Variants in ITGA8 observed in about 807,000 individuals in gnomAD.
The protein encoded by ITGA8 is integrin subunit alpha 8.
A neutral mutation model predicts 142.3 loss-of-function variants in ITGA8; 91 were observed. The observed-to-expected ratio is 0.64, with a 90% CI of 0.54 to 0.76. ITGA8 has a LOEUF of 0.76. Ranked by LOEUF, ITGA8 falls within the 30% of genes least tolerant of loss-of-function variation. The pLI is 0.00. For missense variants in ITGA8, 1,406 were observed against 1,327.7 expected (o/e 1.06, Z -0.92); for synonymous variants, 505 against 485.2 (o/e 1.04, Z -0.54).
intron 11 of ITGA8, among the ~76,000 whole-genome samples, chr10:15,650,438 A>G (rs1042086201): frequency 6.6e-6 from 1 of 152,194 alleles, no homozygotes; most frequent in South Asian, 2.1e-4. Flanking sequence ...GAGCCCCAAA[A>G]TGGGACTTGT....
chr10:15,558,747 G>A (rs1004884611), intron 25 of ITGA8, among the ~76,000 whole-genome samples: 6 of 152,116 alleles, frequency 3.9e-5, no homozygotes, highest in East Asian at 1.9e-4. Context: ...ATGACTTTTC[G>A]AAAGTCTGCT....
At chr10:15,579,358 G>T (rs1464660588) in intron 23 of ITGA8, among the ~76,000 whole-genome samples, 1 of 151,986 alleles carries the variant, frequency 6.6e-6, no homozygotes, top group Non-Finnish European at 1.5e-5. Context: ...TTTTTTTACT[G>T]TAAGTAATGA....
chr10:15,533,105 T>TCC (rs1833345630), intron 27 of ITGA8, among the ~76,000 whole-genome samples: 1 of 152,204 alleles, frequency 6.6e-6, no homozygotes, highest in African/African-American at 2.4e-5. Flanking sequence ...TATAATCCAA[T>TCC]GTTGGGCCTC....
intron 2 of ITGA8, among the ~76,000 whole-genome samples, chr10:15,697,370 G>A (rs975817283): frequency 1.3e-5 from 2 of 152,124 alleles, no homozygotes; most frequent in Non-Finnish European, 2.9e-5. Context: ...TTTAAATTGC[G>A]ATTCACAAAC....
intron 25 of ITGA8, among the ~76,000 whole-genome samples, chr10:15,568,022 C>G (rs1834109204): frequency 6.6e-6 from 1 of 152,178 alleles, no homozygotes; most frequent in Admixed American, 6.5e-5. Context: ...AAGTAATTCT[C>G]CTTTCTCAGT....
At chr10:15,663,367 TTAGA>T (rs1321252523) in intron 8 of ITGA8, among the ~76,000 whole-genome samples, 1 of 152,188 alleles carries the variant, frequency 6.6e-6, no homozygotes, top group East Asian at 1.9e-4. Flanking sequence ...TTTAGATATT[TTAGA>T]TAGCCTCAAA....
chr10:15,520,930 C>G (rs563164278), intron 28 of ITGA8, among the ~76,000 whole-genome samples: 1 of 152,170 alleles, frequency 6.6e-6, no homozygotes, highest in Non-Finnish European at 1.5e-5. Context: ...TTTGCCCTAG[C>G]AGGAAATGTA....
intron 2 of ITGA8, among the ~76,000 whole-genome samples, chr10:15,711,773 C>A (rs1835368584): frequency 6.6e-6 from 1 of 151,940 alleles, no homozygotes; most frequent in South Asian, 2.1e-4. Context: ...TTTTACCCCC[C>A]AAAAAAAGAA....
In ITGA8 at chr10:15,706,425, C is replaced by T. The variant is rs116143250; in HGVS notation, c.343+12341G>A. 1.1e-3 allele frequency among the ~76,000 whole-genome samples: 173 copies of T among 152,188 alleles called. 1 individual carries two copies. The highest frequency in any genetic ancestry group is 4.0e-3 in the African/African-American group (167 of 41,552). The stretch of plus-strand genomic sequence containing the variant: ...GCTTCTGCTCTTCCTTGTCTATAGT[C>T]TGTTTTTCAACAAAATCTAAGCTGA... On this transcript the variant is annotated intron_variant, in intron 2 of 29. Coordinates refer to ENST00000378076, the MANE Select transcript of ITGA8 (RefSeq NM_003638.3).
intron 26 of ITGA8, among the ~76,000 whole-genome samples, chr10:15,555,268 A>G (rs1040896067): frequency 4.6e-5 from 7 of 152,240 alleles, no homozygotes; most frequent in African/African-American, 1.7e-4. Context: ...AAGAGCATGT[A>G]GGTTAAGAAC....
chr10:15,704,503 G>C (rs2131730375), intron 2 of ITGA8, among the ~76,000 whole-genome samples: 1 of 152,098 alleles, frequency 6.6e-6, no homozygotes, highest in African/African-American at 2.4e-5. Flanking sequence ...CAACCACGAT[G>C]GTTTTCTTTC....
chr10:15,527,246 A>G lies in ITGA8; in HGVS notation c.2982+3804T>C, dbSNP rs186819754. Among the ~76,000 whole-genome samples the G allele has an allele frequency of 2.3e-3, 347 of 152,368 alleles. 4 individuals carry two copies. Among genetic ancestry groups the G allele is most frequent in the African/African-American group, 8.1e-3 (338 of 41,596 alleles). On this transcript the variant is annotated intron_variant, in intron 28 of 29. Transcript: ENST00000378076. ...TTTCAACTCCAAATAATTGTTTAATATAAGAGTTCCATATTAAGGTATTAA... is the reference window on the plus strand; with the variant it reads ...TTTCAACTCCAAATAATTGTTTAATGTAAGAGTTCCATATTAAGGTATTAA...
intron 4 of ITGA8, among the ~76,000 whole-genome samples, chr10:15,683,268 CCCAT>C (rs1554787133): frequency 1.6e-4 from 17 of 109,300 alleles, no homozygotes; most frequent in African/African-American, 3.7e-4. Flanking sequence ...GATGAATCCA[CCCAT>C]CCATCCATCC....
chr10:15,639,229 C>T (rs896661832), intron 13 of ITGA8, among the ~76,000 whole-genome samples: 5 of 152,022 alleles, frequency 3.3e-5, no homozygotes, highest in South Asian at 2.1e-4. Flanking sequence ...GAGAGAACAG[C>T]GGCTGGTGGG....
chr10:15,608,689 T>C (rs1332859155), intron 15 of ITGA8, among the ~76,000 whole-genome samples: 3 of 152,062 alleles, frequency 2.0e-5, no homozygotes, highest in East Asian at 3.9e-4. Context: ...CTGGACCCAT[T>C]TGAGGAAACT....
At chr10:15,592,381 C>T in intron 21 of ITGA8, 77 bp from the exon 22 acceptor site, 2 of 1,065,914 alleles carry the variant, frequency 1.9e-6, no homozygotes, top group South Asian at 2.8e-5. Context: ...TCCTGCAAAA[C>T]CCCACCCTGG....
At chr10:15,544,024 G>A (rs1833623406) in intron 27 of ITGA8, among the ~76,000 whole-genome samples, 1 of 152,198 alleles carries the variant, frequency 6.6e-6, no homozygotes, top group Middle Eastern at 3.2e-3. Context: ...GCCAGGCCTG[G>A]TGGTTCATGC....
intron 25 of ITGA8, among the ~76,000 whole-genome samples, chr10:15,560,988 C>A (rs571929174): frequency 6.6e-6 from 1 of 151,866 alleles, no homozygotes; most frequent in Non-Finnish European, 1.5e-5. Context: ...CAGCTCATTA[C>A]AGCAGAGTGA....
chr10:15,714,224 C>A (rs145291682), intron 2 of ITGA8, among the ~76,000 whole-genome samples: 1 of 152,146 alleles, frequency 6.6e-6, no homozygotes, highest in Non-Finnish European at 1.5e-5. Flanking sequence ...TTGTCTCATT[C>A]GTTCTCCCTT....
Sources: gnomAD v4.1 joint callset for allele counts (sites outside exome capture counted in the v4.1 genomes callset) on GRCh38, gnomAD v4.1.1 for gene constraint, MANE v1.5 for transcripts, NCBI Gene and HGNC (gene_info 2026-07-23, HGNC 2026-07-21) for gene names.